ENPP2: variants seen among roughly 807,000 people sequenced by gnomAD.
ENPP2 encodes ectonucleotide pyrophosphatase/phosphodiesterase 2.
ENPP2 carries 51 observed loss-of-function variants against 120.2 expected under a neutral mutation model. The ratio of observed to expected loss-of-function variants is 0.42; its 90% CI spans 0.34 to 0.54. The LOEUF (loss-of-function observed/expected upper bound fraction) is 0.54. Among genes scored for constraint, ENPP2 ranks in the 20% least tolerant of loss-of-function variants. The probability of loss-of-function intolerance (pLI) is 0.04; values close to 1 mark genes in which losing one functional copy is unlikely to be tolerated. For synonymous variants in ENPP2, 365 were observed against 366.4 expected, an observed-to-expected ratio of 1.00 and a Z score of 0.04; for missense variants, 920 against 1,066.5, an observed-to-expected ratio of 0.86 and a Z score of 1.91.
chr8:119,649,411 A>AAAAG (rs1554626035), intron 1 of ENPP2, among the ~76,000 whole-genome samples: 7 of 150,596 alleles, frequency 4.6e-5, no homozygotes, highest in Non-Finnish European at 7.4e-5. Flanking sequence ...CAAAAAAAAA[A>AAAAG]AAAAGAAAAG....
At position 119,601,391 on chromosome 8, in the gene ENPP2, A is replaced by C; in HGVS notation, c.899+6T>G. ...CTGAAGAAAGAAGAAAGAGAGAAAT[A>C]AATACCTCTCATGATCTGGCAGGGT... On this transcript the variant is annotated splice_donor_region_variant and intron_variant, in intron 10 of 24. Coordinates refer to ENST00000075322, the MANE Select transcript of ENPP2 (RefSeq NM_001040092.3). 1.3e-6 allele frequency: 2 copies of C among 1,566,314 alleles called. No homozygotes were observed. Among genetic ancestry groups the C allele is most frequent in the African/African-American group, 1.3e-5 (1 of 74,098 alleles).
In ENPP2 at chr8:119,569,375, A is replaced by G; in HGVS notation, c.1918-5T>C. ...AGGAACGCTGGAAACCTCAGCCTGC[A>G]CGGGAGTCAGAGGCACTCAGCAATG... is the stretch of plus-strand genomic sequence containing the variant. On this transcript the variant is annotated splice_polypyrimidine_tract_variant and splice_region_variant and intron_variant, in intron 20 of 24. Coordinates refer to ENST00000075322, the MANE Select transcript of ENPP2 (RefSeq NM_001040092.3). 6.2e-7 allele frequency: 1 copy of G among 1,613,790 alleles called. No homozygotes were observed. The highest frequency in any genetic ancestry group is 2.2e-5 in the East Asian group (1 of 44,846).
chr8:119,655,185 T>G (rs987259247), intron 1 of ENPP2, among the ~76,000 whole-genome samples: 1 of 152,264 alleles, frequency 6.6e-6, no homozygotes. Context: ...GATGAAGCAA[T>G]GGTTTTTTGG....
chr8:119,620,545 C>T (rs1320433029), intron 4 of ENPP2, among the ~76,000 whole-genome samples: 1 of 152,168 alleles, frequency 6.6e-6, no homozygotes, highest in Non-Finnish European at 1.5e-5. Flanking sequence ...AAATGTTCCA[C>T]ATCAGAGATA....
intron 14 of ENPP2, 82 bp downstream of exon 14, chr8:119,586,961 CG>C: frequency 8.6e-7 from 1 of 1,164,306 alleles, no homozygotes; most frequent in Non-Finnish European, 1.3e-6. Context: ...CCCTCCCCGC[CG>C]GGGGAGGCAC....
chr8:119,634,223 CA>C, intron 2 of ENPP2, among the ~76,000 whole-genome samples: 1 of 151,478 alleles, frequency 6.6e-6, no homozygotes, highest in African/African-American at 2.4e-5. Context: ...TACATACATA[CA>C]TACATACACA....
chr8:119,667,694 T>A (rs936425322), intron 1 of ENPP2, among the ~76,000 whole-genome samples: 2 of 152,220 alleles, frequency 1.3e-5, no homozygotes, highest in Non-Finnish European at 2.9e-5. Context: ...CAGTGCCTCC[T>A]AAGTGGTCTC....
In ENPP2 at chr8:119,619,139, G is replaced by C. The variant is rs1049972757; in HGVS notation, c.479+105C>G. The C allele has an allele frequency of 1.2e-5, 10 of 844,934 alleles. No individual in the cohort carries two copies. The Admixed American group carries it at 2.0e-4, about 17-fold the overall frequency. 52.3% of individuals were successfully genotyped at this position (844,934 alleles called of 1,614,324 possible). A position where few individuals can be genotyped will look rare whatever the true frequency, so the allele number is the denominator to read the frequency against. On this transcript the variant is annotated intron_variant, in intron 5 of 24. Coordinates refer to ENST00000075322, the MANE Select transcript of ENPP2 (RefSeq NM_001040092.3). ...AGTACTCATAAGTTTGCCTGTATAA[G>C]AGAATTTCAGTTCCACATTGTTTCT...
intron 11 of ENPP2, chr8:119,596,057 A>C (rs1219200744): frequency 1.0e-5 from 16 of 1,537,308 alleles, no homozygotes; most frequent in Non-Finnish European, 1.3e-5. Flanking sequence ...CCTCTGAGTC[A>C]GATATAAAGC....
At position 119,586,387 on chromosome 8, in the gene ENPP2, A is replaced by C. The variant is rs552453464; in HGVS notation, c.1240-74T>G. On this transcript the variant is annotated intron_variant, in intron 14 of 24. Coordinates refer to ENST00000075322, the MANE Select transcript of ENPP2 (RefSeq NM_001040092.3). The stretch of plus-strand genomic sequence containing the variant: ...AATTCTTACAAATTCTCTCTCTAGA[A>C]AGCTGAAGGAGATTTTAAGCCTAAC... 3.5e-6 allele frequency: 5 copies of C among 1,435,782 alleles called. No individual in the cohort carries two copies. In the East Asian group the frequency reaches 1.1e-4, roughly 33 times the overall value. 88.9% of individuals were successfully genotyped at this position (1,435,782 alleles called of 1,614,324 possible).
chr8:119,614,062 CTTTT>C (rs1241610980), intron 8 of ENPP2, among the ~76,000 whole-genome samples: 1 of 115,870 alleles, frequency 8.6e-6, no homozygotes, highest in Non-Finnish European at 1.8e-5. Context: ...CCTGGGAAAT[CTTTT>C]TTTTTTTTTT....
At chr8:119,569,923 C>G (rs1814822291) in intron 20 of ENPP2, among the ~76,000 whole-genome samples, 1 of 151,830 alleles carries the variant, frequency 6.6e-6, no homozygotes. Context: ...TGATATATAC[C>G]TATTTATCTC....
chr8:119,561,787 TTGTG>T (rs146680195), intron 24 of ENPP2, among the ~76,000 whole-genome samples: 157 of 149,106 alleles, frequency 1.1e-3, no homozygotes, highest in South Asian at 2.8e-3. Context: ...TGCTCTTGCT[TTGTG>T]TGTGTGTGTG....
At chr8:119,650,957 T>C (rs1022361279) in intron 1 of ENPP2, among the ~76,000 whole-genome samples, 2 of 151,738 alleles carry the variant, frequency 1.3e-5, no homozygotes, top group Non-Finnish European at 2.9e-5. Flanking sequence ...TACCTTTCAT[T>C]TGGAGAATAC....
intron 1 of ENPP2, among the ~76,000 whole-genome samples, chr8:119,666,380 T>A (rs900753087): frequency 6.6e-6 from 1 of 152,160 alleles, no homozygotes; most frequent in African/African-American, 2.4e-5. Context: ...GATCTTAGTA[T>A]CTTACTCCTA....
At position 119,557,443 on chromosome 8, in the gene ENPP2, G is replaced by A. The variant is rs960577146; in HGVS notation, c.*78C>T. On this transcript the variant is annotated 3_prime_UTR_variant, in exon 25 of 25. Coordinates refer to ENST00000075322, the MANE Select transcript of ENPP2 (RefSeq NM_001040092.3). ...AAATACTAACATTTTTAATGTCCTG[G>A]TTTCAAATTAATAAATACAAAAACA... 24 of 1,201,500 alleles carry A rather than the reference G, an allele frequency of 2.0e-5. No individual in the cohort carries two copies. The highest frequency in any genetic ancestry group is 5.7e-4 in the Middle Eastern group (2 of 3,486). 74.4% of individuals were successfully genotyped at this position (1,201,500 alleles called of 1,614,324 possible). A position where few individuals can be genotyped will look rare whatever the true frequency, so the allele number is the denominator to read the frequency against.
chr8:119,602,687 T>C (rs1327231905), intron 9 of ENPP2, among the ~76,000 whole-genome samples: 1 of 152,102 alleles, frequency 6.6e-6, no homozygotes, highest in Non-Finnish European at 1.5e-5. Context: ...ATATCTTTAG[T>C]CAGGGGAAAT....
intron 3 of ENPP2, among the ~76,000 whole-genome samples, chr8:119,626,223 T>C (rs894996681): frequency 6.6e-6 from 1 of 151,938 alleles, no homozygotes; most frequent in Admixed American, 6.6e-5. Flanking sequence ...AAAAAGAACA[T>C]ACACAATTTT....
chr8:119,625,413 G>A (rs531368236), intron 3 of ENPP2, among the ~76,000 whole-genome samples: 1 of 152,304 alleles, frequency 6.6e-6, no homozygotes, highest in East Asian at 1.9e-4. Flanking sequence ...AGGGACGCAG[G>A]AGGAAAACAA....
Sources: gnomAD v4.1 joint callset for allele counts (sites outside exome capture counted in the v4.1 genomes callset) on GRCh38, gnomAD v4.1.1 for gene constraint, MANE v1.5 for transcripts, NCBI Gene and HGNC (gene_info 2026-07-23, HGNC 2026-07-21) for gene names.